The following RTRAF variants were observed in gnomAD, a reference collection of about 807,000 sequenced individuals.
RTRAF encodes the protein tRNA-splicing ligase complex subunit RTRAF.
Under a neutral mutation model 34.4 loss-of-function variants are expected in RTRAF, and 14 were observed. That is an observed-to-expected ratio of 0.41 (90% confidence interval 0.27 to 0.64). The LOEUF (loss-of-function observed/expected upper bound fraction) is 0.64, where lower values mean the gene tolerates loss of function less well. Ranked by LOEUF, RTRAF falls within the 30% of genes least tolerant of loss-of-function variation. RTRAF has a pLI of 0.34. For missense variants in RTRAF, 291 were observed against 288.4 expected, an observed-to-expected ratio of 1.01 and a Z score of -0.06; for synonymous variants, 96 against 95.3, an observed-to-expected ratio of 1.01 and a Z score of -0.04.
At position 52,005,546 on chromosome 14, in the gene RTRAF, A is replaced by T; in HGVS notation, c.*1030A>T. Reference sequence around the variant, plus strand: ...ACAGGGTGGTGGGTGAGTATATTGTAACCAAGTTGCAACAGCAAGTCTTTG... The same window carrying T: ...ACAGGGTGGTGGGTGAGTATATTGTTACCAAGTTGCAACAGCAAGTCTTTG... On this transcript the variant is annotated 3_prime_UTR_variant, in exon 8 of 8. Transcript: ENST00000261700. 1 of 1,579,408 alleles carries T rather than the reference A, an allele frequency of 6.3e-7. No homozygotes were observed. The highest frequency in any genetic ancestry group is 8.6e-7 in the Non-Finnish European group (1 of 1,163,144).
chr14:52,004,629 G>T lies in RTRAF; in HGVS notation c.*113G>T. On this transcript the variant is annotated 3_prime_UTR_variant, in exon 8 of 8. Coordinates refer to ENST00000261700, the MANE Select transcript of RTRAF (RefSeq NM_016039.3). ...TCGGGGGAGGAAGCCCAGAAAATTG[G>T]GTATGTTCTAGAGATTTACCACCAT... is the stretch of plus-strand genomic sequence containing the variant. 2.8e-6 allele frequency: 3 copies of T among 1,063,890 alleles called. No individual in the cohort carries two copies. The highest frequency in any genetic ancestry group is 2.5e-5 in the East Asian group (1 of 39,666). 65.9% of individuals were successfully genotyped at this position (1,063,890 alleles called of 1,614,324 possible).
In RTRAF at chr14:52,005,541, A is replaced by G. The variant is rs1890739196; in HGVS notation, c.*1025A>G. The G allele has an allele frequency of 1.9e-6, 3 of 1,584,374 alleles. No homozygotes were observed. Among genetic ancestry groups the G allele is most frequent in the Non-Finnish European group, 2.6e-6 (3 of 1,166,310 alleles). ...GTGGGACAGGGTGGTGGGTGAGTATATTGTAACCAAGTTGCAACAGCAAGT... is the reference window on the plus strand; with the variant it reads ...GTGGGACAGGGTGGTGGGTGAGTATGTTGTAACCAAGTTGCAACAGCAAGT... On this transcript the variant is annotated 3_prime_UTR_variant, in exon 8 of 8. Transcript: ENST00000261700.
chr14:51,989,951 C>T lies in RTRAF; in HGVS notation c.61+251C>T, dbSNP rs144851897. Reference sequence around the variant, plus strand: ...TTGCTTAACTCCAAGCATCACGTAACTACCTTCTCTGTACATAAAAGGGAG... The same window carrying T: ...TTGCTTAACTCCAAGCATCACGTAATTACCTTCTCTGTACATAAAAGGGAG... On this transcript the variant is annotated intron_variant, in intron 1 of 7. Coordinates refer to ENST00000261700, the MANE Select transcript of RTRAF (RefSeq NM_016039.3). Among the ~76,000 whole-genome samples, 521 of 152,344 alleles carry T rather than the reference C, an allele frequency of 3.4e-3. 2 individuals carry two copies. The highest frequency in any genetic ancestry group is 0.012 in the African/African-American group (497 of 41,580).
chr14:52,006,164 A>AATAC lies in RTRAF; in HGVS notation c.*1648_*1649insATAC, dbSNP rs1890773279. The AATAC allele has an allele frequency of 2.5e-6, 1 of 406,180 alleles. No homozygotes were observed. Among genetic ancestry groups the AATAC allele is most frequent in the Non-Finnish European group, 4.6e-6 (1 of 218,308 alleles). The allele number at this position is 406,180 out of a possible 1,614,324, so 25.2% of individuals were successfully genotyped here. A position where few individuals can be genotyped will look rare whatever the true frequency, so the allele number is the denominator to read the frequency against. ...ATAGTATTTTTCGGTCCCTCAGACA[A>AATAC]TATGTCCACAGTGTCAAAAGCCAAC... On this transcript the variant is annotated 3_prime_UTR_variant, in exon 8 of 8. Coordinates refer to ENST00000261700, the MANE Select transcript of RTRAF (RefSeq NM_016039.3).
chr14:52,004,589 C>G lies in RTRAF; in HGVS notation c.*73C>G, dbSNP rs1336973399. 8 of 1,402,862 alleles carry G rather than the reference C, an allele frequency of 5.7e-6. No homozygotes were observed. In the East Asian group the frequency reaches 1.9e-4, roughly 34 times the overall value. The allele number at this position is 1,402,862 out of a possible 1,614,324, so 86.9% of individuals were successfully genotyped here. On this transcript the variant is annotated 3_prime_UTR_variant, in exon 8 of 8. Transcript: ENST00000261700. ...ATACACTTCTGGCATGTTTGGAAAT[C>G]AAAATGTCACATTCTCGGGGGAGGA...
chr14:51,994,427 T>C (rs1313219), intron 3 of RTRAF, among the ~76,000 whole-genome samples: 33,310 of 152,142 alleles, frequency 0.22, 4,354 homozygotes, highest in East Asian at 0.52. Flanking sequence ...AGTTACAGTC[T>C]TCTTAATTAT....
At position 52,004,750 on chromosome 14, in the gene RTRAF, G is replaced by A. The variant is rs1890688043; in HGVS notation, c.*234G>A. On this transcript the variant is annotated 3_prime_UTR_variant, in exon 8 of 8. Coordinates refer to ENST00000261700, the MANE Select transcript of RTRAF (RefSeq NM_016039.3). ...AATCACCTTTCTCCTTTGTGGTTAAGGCATATATGCCAACCCCCAGCTTTG... is the reference window on the plus strand; with the variant it reads ...AATCACCTTTCTCCTTTGTGGTTAAAGCATATATGCCAACCCCCAGCTTTG... The A allele has an allele frequency of 7.8e-6, 3 of 383,030 alleles. No homozygotes were observed. Among genetic ancestry groups the A allele is most frequent in the Middle Eastern group, 6.7e-4 (1 of 1,500 alleles). 23.7% of individuals were successfully genotyped at this position (383,030 alleles called of 1,614,324 possible). A position where few individuals can be genotyped will look rare whatever the true frequency, so the allele number is the denominator to read the frequency against.
At chr14:51,998,252 G>T in intron 3 of RTRAF, 3 of 353,916 alleles carry the variant, frequency 8.5e-6, no homozygotes, top group Non-Finnish European at 1.5e-5. Context: ...ATGTGTATAA[G>T]TTGTACATTG....
chr14:51,993,744 C>G lies in RTRAF; in HGVS notation c.208C>G (p.Pro70Ala). The change falls in exon 3 of 8, where the codon CCT becomes GCT. Residue 70 changes from proline to alanine, a missense_variant. By Grantham distance (27) the Pro-to-Ala change is conservative (BLOSUM62 -1). Transcript: ENST00000261700. ...FEKYLRDVNCPFKIQDRQEAI... is the reference protein window; with the variant it reads ...FEKYLRDVNCAFKIQDRQEAI... The stretch of plus-strand genomic sequence containing the variant: ...ACAGTATCTCAGAGATGTTAACTGT[C>G]CTTTCAAGATTCAAGATCGACAAGA... 1 of 1,600,824 alleles carries G rather than the reference C, an allele frequency of 6.2e-7. No individual in the cohort carries two copies. Among genetic ancestry groups the G allele is most frequent in the Non-Finnish European group, 8.5e-7 (1 of 1,173,676 alleles).
chr14:52,007,882 T>G lies in RTRAF; in HGVS notation c.*3366T>G. 2 of 1,613,926 alleles carry G rather than the reference T, an allele frequency of 1.2e-6. No homozygotes were observed. The highest frequency in any genetic ancestry group is 1.7e-6 in the Non-Finnish European group (2 of 1,179,814). ...CCATTGGGCAATCCAATGTCTGTAT[T>G]GATCAGAATTCTTCTGTTTTCTCCA... On this transcript the variant is annotated 3_prime_UTR_variant, in exon 8 of 8. Coordinates refer to ENST00000261700, the MANE Select transcript of RTRAF (RefSeq NM_016039.3).
chr14:51,997,944 A>T (rs1478279363), intron 3 of RTRAF: 2 of 151,932 alleles, frequency 1.3e-5, no homozygotes, highest in Non-Finnish European at 2.9e-5. Flanking sequence ...AATGTTAATG[A>T]AAAGATATTT....
At position 52,007,719 on chromosome 14, in the gene RTRAF, G is replaced by A. The variant is rs1399601161; in HGVS notation, c.*3203G>A. 1.8e-6 allele frequency: 2 copies of A among 1,137,928 alleles called. No individual in the cohort carries two copies. Among genetic ancestry groups the A allele is most frequent in the African/African-American group, 3.1e-5 (2 of 64,152 alleles). The allele number at this position is 1,137,928 out of a possible 1,614,324, so 70.5% of individuals were successfully genotyped here. On this transcript the variant is annotated 3_prime_UTR_variant, in exon 8 of 8. Coordinates refer to ENST00000261700, the MANE Select transcript of RTRAF (RefSeq NM_016039.3). ...TACAGACCAAAGAAAGGAGATCTAA[G>A]TGATGGGATTTCATTTTGTAGTAAA... is the stretch of plus-strand genomic sequence containing the variant.
In RTRAF at chr14:52,001,886, A is replaced by G. The variant is rs766073596; in HGVS notation, c.531+20A>G. The G allele has an allele frequency of 6.3e-7, 1 of 1,592,742 alleles. No individual in the cohort carries two copies. Among genetic ancestry groups the G allele is most frequent in the Non-Finnish European group, 8.6e-7 (1 of 1,167,330 alleles). ...AAAGAGGTACGTTTCTATAAATCCT[A>G]AATAAGTTGTTAATGAACATTTCTT... On this transcript the variant is annotated intron_variant, in intron 6 of 7. Coordinates refer to ENST00000261700, the MANE Select transcript of RTRAF (RefSeq NM_016039.3).
chr14:51,995,765 TAAGGA>T (rs961497018), intron 3 of RTRAF, among the ~76,000 whole-genome samples: 3 of 152,096 alleles, frequency 2.0e-5, no homozygotes, highest in Non-Finnish European at 4.4e-5. Flanking sequence ...GCAAAAATCT[TAAGGA>T]AAGCTCAATT....
chr14:52,008,091 TG>T lies in RTRAF; in HGVS notation c.*3578del. ...TAGCCTTAAGCAATCCCCTTGAGTT[TG>T]GGCTGCATTAGTAGTGTCTTGCTTC... On this transcript the variant is annotated 3_prime_UTR_variant, in exon 8 of 8. Coordinates refer to ENST00000261700, the MANE Select transcript of RTRAF (RefSeq NM_016039.3). The T allele has an allele frequency of 1.4e-6, 1 of 712,566 alleles. No homozygotes were observed. Among genetic ancestry groups the T allele is most frequent in the South Asian group, 2.0e-5 (1 of 50,646 alleles). The allele number at this position is 712,566 out of a possible 1,614,324, so 44.1% of individuals were successfully genotyped here. A position where few individuals can be genotyped will look rare whatever the true frequency, so the allele number is the denominator to read the frequency against.
chr14:51,992,453 A>G (rs1057196417), intron 2 of RTRAF, among the ~76,000 whole-genome samples: 27 of 152,164 alleles, frequency 1.8e-4, no homozygotes, highest in African/African-American at 6.5e-4. Flanking sequence ...TACCTATCTC[A>G]TAAGTGTGGC....
At chr14:51,996,502 G>A (rs1425660347) in intron 3 of RTRAF, among the ~76,000 whole-genome samples, 1 of 152,034 alleles carries the variant, frequency 6.6e-6, no homozygotes, top group Non-Finnish European at 1.5e-5. Flanking sequence ...TTTTTTAAAT[G>A]TATAATTTCA....
intron 2 of RTRAF, among the ~76,000 whole-genome samples, chr14:51,993,022 T>C (rs978158632): frequency 6.6e-6 from 1 of 152,008 alleles, no homozygotes; most frequent in Non-Finnish European, 1.5e-5. Flanking sequence ...AGAACAAGAC[T>C]CTGTCTCAAA....
Position 52,005,029 on chromosome 14 carries a change from A to G in RTRAF, c.*513A>G. On this transcript the variant is annotated 3_prime_UTR_variant, in exon 8 of 8. Coordinates refer to ENST00000261700, the MANE Select transcript of RTRAF (RefSeq NM_016039.3). ...AACTTTTGTTGGGAAACTATAAATA[A>G]TTGGTCCTTTCCCATCAGTTCTGCA... 1 of 158,050 alleles carries G rather than the reference A, an allele frequency of 6.3e-6. No individual in the cohort carries two copies. Among genetic ancestry groups the G allele is most frequent in the Non-Finnish European group, 1.4e-5 (1 of 71,918 alleles). 9.8% of individuals were successfully genotyped at this position (158,050 alleles called of 1,614,324 possible). A position where few individuals can be genotyped will look rare whatever the true frequency, so the allele number is the denominator to read the frequency against.
Sources: gnomAD v4.1 joint callset for allele counts (sites outside exome capture counted in the v4.1 genomes callset) on GRCh38, gnomAD v4.1.1 for gene constraint, MANE v1.5 for transcripts, NCBI Gene and HGNC (gene_info 2026-07-23, HGNC 2026-07-21) for gene names.